The following RNF130 variants were observed in gnomAD, a reference collection of about 807,000 sequenced individuals.
RNF130 encodes E3 ubiquitin-protein ligase RNF130.
RNF130 carries 21 observed loss-of-function variants against 44.6 expected under a neutral mutation model. The ratio of observed to expected loss-of-function variants is 0.47; its 90% CI spans 0.33 to 0.68. The LOEUF (loss-of-function observed/expected upper bound fraction) is 0.68, where lower values mean the gene tolerates loss of function less well. RNF130 is among the 30% of genes least tolerant of loss of function. RNF130 has a pLI of 0.02. For synonymous variants in RNF130, 214 were observed against 210.4 expected, an observed-to-expected ratio of 1.02 and a Z score of -0.15; for missense variants, 479 against 560.6, an observed-to-expected ratio of 0.85 and a Z score of 1.47.
intron 7 of RNF130, among the ~76,000 whole-genome samples, chr5:179,922,675 T>C (rs934309081): frequency 6.6e-6 from 1 of 151,478 alleles, no homozygotes; most frequent in South Asian, 2.1e-4. Context: ...CAGTGGCTCA[T>C]GCCTGTAATC....
chr5:179,935,513 C>T (rs1482738461), intron 7 of RNF130, among the ~76,000 whole-genome samples: 1 of 123,110 alleles, frequency 8.1e-6, no homozygotes, highest in Non-Finnish European at 1.7e-5. Flanking sequence ...GATATGTCAG[C>T]ACGTGTGTGT....
intron 2 of RNF130, among the ~76,000 whole-genome samples, chr5:180,022,434 C>T (rs1763895178): frequency 6.6e-6 from 1 of 152,164 alleles, no homozygotes; most frequent in South Asian, 2.1e-4. Context: ...CAGAGCTTTC[C>T]TAACTTATTC....
intron 3 of RNF130, among the ~76,000 whole-genome samples, chr5:179,986,616 T>G (rs561491485): frequency 2.0e-5 from 3 of 152,234 alleles, no homozygotes; most frequent in Non-Finnish European, 4.4e-5. Flanking sequence ...GCTATGAAAT[T>G]ATTACATTAA....
exon 8 of RNF130, chr5:179,916,400 A>G (rs1761545503): frequency 6.6e-6 from 1 of 152,208 alleles, no homozygotes; most frequent in African/African-American, 2.4e-5. Flanking sequence ...TAAAATACCA[A>G]TTTGATTTAG....
chr5:180,039,938 G>T (rs985177854), intron 2 of RNF130, among the ~76,000 whole-genome samples: 1 of 152,110 alleles, frequency 6.6e-6, no homozygotes, highest in East Asian at 1.9e-4. Context: ...ATCGCACAGC[G>T]CCTGGCATTT....
chr5:179,964,114 T>C (rs922129558), intron 7 of RNF130: 1 of 152,580 alleles, frequency 6.6e-6, no homozygotes, highest in African/African-American at 2.4e-5. Context: ...TTAGGATATT[T>C]ACGTAAAAAG....
Position 180,037,958 on chromosome 5 carries a change from G to C in RNF130, c.442+2495C>G, listed in dbSNP as rs74968201. On this transcript the variant is annotated intron_variant, in intron 2 of 8. Transcript: ENST00000521389. ...CTATACCCCTGCATTTCTTTAATTT[G>C]TGCTGTTATACACTCATCTGTGATA... Among the ~76,000 whole-genome samples the C allele has an allele frequency of 5.4e-3, 828 of 152,068 alleles. 6 individuals carry two copies. Among genetic ancestry groups the C allele is most frequent in the Non-Finnish European group, 9.7e-3 (662 of 67,988 alleles).
At chr5:180,064,449 A>C (rs1335492316) in intron 1 of RNF130, among the ~76,000 whole-genome samples, 3 of 152,108 alleles carry the variant, frequency 2.0e-5, no homozygotes. Flanking sequence ...ACCACTTCCA[A>C]CAGTTTTTAG....
intron 3 of RNF130, among the ~76,000 whole-genome samples, chr5:180,009,524 A>G (rs1438217771): frequency 6.6e-6 from 1 of 152,222 alleles, no homozygotes; most frequent in Non-Finnish European, 1.5e-5. Flanking sequence ...AACTAAAACC[A>G]CAAGAGATGT....
intron 7 of RNF130, among the ~76,000 whole-genome samples, chr5:179,937,927 TGTGTGTGA>T (rs1414789954): frequency 1.6e-4 from 21 of 134,368 alleles, no homozygotes; most frequent in African/African-American, 5.6e-4. Flanking sequence ...TGTGTGTGTG[TGTGTGTGA>T]GAGAGAGAGA....
At chr5:179,988,004 CTT>C (rs1342129459) in intron 3 of RNF130, among the ~76,000 whole-genome samples, 1 of 152,156 alleles carries the variant, frequency 6.6e-6, no homozygotes, top group African/African-American at 2.4e-5. Flanking sequence ...AGAATTCTCT[CTT>C]CTTTCATTTT....
intron 3 of RNF130, among the ~76,000 whole-genome samples, chr5:180,009,933 T>C (rs922410848): frequency 2.0e-5 from 3 of 152,122 alleles, no homozygotes; most frequent in African/African-American, 7.2e-5. Context: ...AAGGAATAAA[T>C]GACTGATACA....
exon 8 of RNF130, chr5:179,914,231 G>T (rs1761508339): frequency 6.6e-6 from 1 of 152,346 alleles, no homozygotes; most frequent in East Asian, 1.9e-4. Context: ...GGAGGGGAAG[G>T]TGCCTATTTT....
intron 8 of RNF130, among the ~76,000 whole-genome samples, chr5:179,959,871 T>C (rs973039331): frequency 6.6e-6 from 1 of 152,158 alleles, no homozygotes; most frequent in Non-Finnish European, 1.5e-5. Context: ...TTCAGATTCA[T>C]TTCCTCATGC....
chr5:180,051,343 G>A (rs558281586), intron 1 of RNF130, among the ~76,000 whole-genome samples: 2 of 151,768 alleles, frequency 1.3e-5, no homozygotes, highest in African/African-American at 2.4e-5. Flanking sequence ...TCTGCCTCCC[G>A]GGTTGACGCC....
In RNF130 at chr5:179,941,759, C is replaced by A. The variant is rs189355084; in HGVS notation, c.1151-21333G>T. Among the ~76,000 whole-genome samples, 233 of 152,240 alleles carry A rather than the reference C, an allele frequency of 1.5e-3. 1 individual carries two copies. The highest frequency in any genetic ancestry group is 0.01 in the Middle Eastern group (3 of 294). On this transcript the variant is annotated intron_variant, in intron 7 of 7. Coordinates refer to the RNF130 transcript ENST00000522208. ...TTTTAAAAATACTTTTTCCATATTTCTAGTTCTTCTTGATATGATGGTTGC... is the reference window on the plus strand; with the variant it reads ...TTTTAAAAATACTTTTTCCATATTTATAGTTCTTCTTGATATGATGGTTGC...
At chr5:180,058,763 T>C (rs1351714934) in intron 1 of RNF130, among the ~76,000 whole-genome samples, 2 of 152,126 alleles carry the variant, frequency 1.3e-5, no homozygotes, top group Non-Finnish European at 2.9e-5. Context: ...GGTTTCACCA[T>C]GTTAGCCAGG....
At chr5:180,025,136 C>T (rs925440232) in intron 2 of RNF130, among the ~76,000 whole-genome samples, 3 of 152,222 alleles carry the variant, frequency 2.0e-5, no homozygotes, top group Non-Finnish European at 1.5e-5. Flanking sequence ...AGACCTCTAA[C>T]ACCTATAGCC....
chr5:179,981,322 C>G (rs1762831964), intron 3 of RNF130, among the ~76,000 whole-genome samples: 1 of 152,208 alleles, frequency 6.6e-6, no homozygotes, highest in Non-Finnish European at 1.5e-5. Flanking sequence ...ACTCTAGACA[C>G]ATCCAGGCCT....
Sources: allele counts gnomAD v4.1 joint callset (sites outside exome capture counted in the v4.1 genomes callset), GRCh38; gene constraint gnomAD v4.1.1; transcripts MANE v1.5; gene names NCBI Gene and HGNC (gene_info 2026-07-23, HGNC 2026-07-21).